The following HEATR4 variants were observed in gnomAD, a reference collection of about 807,000 sequenced individuals.
HEATR4 encodes HEAT repeat containing 4, also known as HEAT repeat-containing protein 4.
HEATR4 carries 95 observed loss-of-function variants against 108.8 expected under a neutral mutation model. The ratio of observed to expected loss-of-function variants is 0.87; its 90% CI spans 0.74 to 1.04. The LOEUF (loss-of-function observed/expected upper bound fraction) is 1.04. Ranked by LOEUF, HEATR4 falls within the 50% of genes least tolerant of loss-of-function variation. HEATR4 has a pLI of 0.00. For missense variants in HEATR4, 1,152 were observed against 1,253.8 expected, an observed-to-expected ratio of 0.92 and a Z score of 1.23; for synonymous variants, 443 against 459.4, an observed-to-expected ratio of 0.96 and a Z score of 0.46.
At chr14:73,566,423 C>T in the HEATR4 span, among the ~76,000 whole-genome samples, 1 of 152,100 alleles carries the variant, frequency 6.6e-6, no homozygotes, top group Non-Finnish European at 1.5e-5. Context: ...CACAGGAGCC[C>T]ACGGAGGCGG....
chr14:73,550,292 CAGTG>C lies in HEATR4; in HGVS notation c.-152+8455_-152+8458del, dbSNP rs1394724474. Reference sequence around the variant, plus strand: ...GACCATGGCACCCATACAGTCAACACAGTGAGCCTCAGCATTCGCATTGTCATTG... The same window carrying C: ...GACCATGGCACCCATACAGTCAACACAGCCTCAGCATTCGCATTGTCATTG... On this transcript the variant is annotated intron_variant, in intron 1 of 17. Coordinates refer to ENST00000553558, the MANE Select transcript of HEATR4 (RefSeq NM_001220484.1). Among the ~76,000 whole-genome samples, 3 of 112,746 alleles carry C rather than the reference CAGTG, an allele frequency of 2.7e-5. 1 individual carries two copies. The highest frequency in any genetic ancestry group is 5.8e-5 in the Non-Finnish European group (3 of 51,972). 74.0% of individuals were successfully genotyped at this position (112,746 alleles called of 152,430 possible).
At chr14:73,572,652 T>C in the HEATR4 span, among the ~76,000 whole-genome samples, 41 of 132,434 alleles carry the variant, frequency 3.1e-4, 1 homozygote, top group East Asian at 6.7e-4. Flanking sequence ...TTTTTTTTTT[T>C]TTTTTTTTTT....
intron 2 of HEATR4, among the ~76,000 whole-genome samples, chr14:73,528,408 A>AAC (rs1435279815): frequency 2.0e-5 from 3 of 151,618 alleles, no homozygotes; most frequent in African/African-American, 4.9e-5. Flanking sequence ...AAAAAAAAAA[A>AAC]AAAAAACTTA....
chr14:73,504,046 G>C (rs1484008305), intron 10 of HEATR4, among the ~76,000 whole-genome samples: 1 of 151,622 alleles, frequency 6.6e-6, no homozygotes, highest in Non-Finnish European at 1.5e-5. Context: ...GATTCTGATT[G>C]AGCTGGCTTA....
the HEATR4 span, chr14:73,569,373 C>T: frequency 6.2e-7 from 1 of 1,614,016 alleles, no homozygotes; most frequent in African/African-American, 1.3e-5. Context: ...GGCGCAGTTC[C>T]TGGGGTCTCC....
chr14:73,529,822 G>T (rs1352933726), intron 2 of HEATR4, among the ~76,000 whole-genome samples: 2 of 151,094 alleles, frequency 1.3e-5, no homozygotes, highest in African/African-American at 4.9e-5. Flanking sequence ...AAAGCAATAA[G>T]CCTTAGTATC....
chr14:73,491,464 G>C, intron 17 of HEATR4: 2 of 1,479,312 alleles, frequency 1.4e-6, no homozygotes, highest in South Asian at 2.7e-5. Flanking sequence ...CGGCCCTGCT[G>C]TGCACCGCGC....
At chr14:73,620,113 T>C in the HEATR4 span, among the ~76,000 whole-genome samples, 2 of 152,158 alleles carry the variant, frequency 1.3e-5, no homozygotes, top group South Asian at 2.1e-4. Context: ...GGTTTCGCCA[T>C]GTTGGCCAGG....
chr14:73,582,637 A>G, the HEATR4 span: 4 of 152,136 alleles, frequency 2.6e-5, no homozygotes, highest in African/African-American at 7.2e-5. Context: ...ATGGAGATGT[A>G]ATATGCTAAT....
At chr14:73,491,370 C>A in intron 17 of HEATR4, 2 of 1,364,572 alleles carry the variant, frequency 1.5e-6, no homozygotes, top group South Asian at 1.8e-5. Flanking sequence ...CTGCAGACCC[C>A]GTCGGCGCGC....
chr14:73,487,705 A>C (rs1885505102), intron 17 of HEATR4, among the ~76,000 whole-genome samples: 2 of 152,204 alleles, frequency 1.3e-5, no homozygotes, highest in African/African-American at 4.8e-5. Context: ...TTAGGAAGGA[A>C]TGTGACAAGA....
At chr14:73,574,698 C>T in the HEATR4 span, among the ~76,000 whole-genome samples, 1 of 151,976 alleles carries the variant, frequency 6.6e-6, no homozygotes, top group Non-Finnish European at 1.5e-5. Flanking sequence ...ATTGATAGAT[C>T]TTCCACATGG....
rs1291975751 is a variant in HEATR4, at chr14:73,551,809, TA to T, written c.-152+6941del. Among the ~76,000 whole-genome samples the T allele has an allele frequency of 2.5e-3, 203 of 80,460 alleles. 11 individuals carry two copies. Among genetic ancestry groups the T allele is most frequent in the South Asian group, 0.011 (27 of 2,526 alleles). 52.8% of individuals were successfully genotyped at this position (80,460 alleles called of 152,430 possible). Reference sequence around the variant, plus strand: ...GGGCAACAAGAGTAAATCTCCGTCTTAAAAAAAAAAAAAAAACAGACAAAAT... The same window carrying T: ...GGGCAACAAGAGTAAATCTCCGTCTTAAAAAAAAAAAAAAACAGACAAAAT... On this transcript the variant is annotated intron_variant, in intron 1 of 17. Coordinates refer to ENST00000553558, the MANE Select transcript of HEATR4 (RefSeq NM_001220484.1).
intron 17 of HEATR4, among the ~76,000 whole-genome samples, chr14:73,485,963 C>T (rs1885436641): frequency 6.6e-6 from 1 of 152,140 alleles, no homozygotes. Flanking sequence ...ATCCACCTGC[C>T]TCAGCCTACC....
At chr14:73,564,155 G>A in the HEATR4 span, among the ~76,000 whole-genome samples, 10 of 151,716 alleles carry the variant, frequency 6.6e-5, no homozygotes, top group African/African-American at 2.4e-4. Flanking sequence ...AAAATCAGCT[G>A]GCCGTGGTGG....
chr14:73,558,360 G>A (rs1889436325), intron 1 of HEATR4, among the ~76,000 whole-genome samples: 1 of 109,268 alleles, frequency 9.2e-6, no homozygotes, highest in South Asian at 3.1e-4. Context: ...CTGGTCTAAT[G>A]CCTTGATTTG....
At chr14:73,611,148 T>C in the HEATR4 span, 1 of 152,228 alleles carries the variant, frequency 6.6e-6, no homozygotes, top group Non-Finnish European at 1.5e-5. Context: ...ACTTGCTTCA[T>C]AGAGTCTAAT....
intron 8 of HEATR4, among the ~76,000 whole-genome samples, chr14:73,508,692 T>C (rs1056613290): frequency 2.9e-5 from 4 of 138,412 alleles, no homozygotes; most frequent in Admixed American, 1.7e-4. Flanking sequence ...GAGGTTGCAG[T>C]GTGAGCTGAG....
chr14:73,612,598 CGCGGGCCGCTGCTGCTGGG>C, the HEATR4 span: 3 of 1,412,254 alleles, frequency 2.1e-6, no homozygotes, highest in African/African-American at 4.5e-5. Context: ...TCCTGGAGCC[CGCGGGCCGCTGCTGCTGGG>C]ACGAGCCGCT....
Sources: gnomAD v4.1 joint callset for allele counts (sites outside exome capture counted in the v4.1 genomes callset) on GRCh38, gnomAD v4.1.1 for gene constraint, MANE v1.5 for transcripts, NCBI Gene and HGNC (gene_info 2026-07-23, HGNC 2026-07-21) for gene names.